GON4L: variants seen among roughly 807,000 people sequenced by gnomAD.
The protein encoded by GON4L is GON-4-like protein.
A neutral mutation model predicts 211.8 loss-of-function variants in GON4L; 87 were observed. The observed-to-expected ratio is 0.41, with a 90% confidence interval of 0.35 to 0.49. GON4L has a LOEUF of 0.49. Among genes scored for constraint, GON4L ranks in the 20% least tolerant of loss-of-function variants. The probability of loss-of-function intolerance (pLI) is 0.15; values close to 1 mark genes in which losing one functional copy is unlikely to be tolerated. For missense variants in GON4L, 2,155 were observed against 2,659.5 expected (o/e 0.81, Z 4.17); for synonymous variants, 875 against 962.6 (o/e 0.91, Z 1.68).
At chr1:155,798,658 A>T (rs1666332185) in intron 11 of GON4L, among the ~76,000 whole-genome samples, 1 of 138,074 alleles carries the variant, frequency 7.2e-6, no homozygotes, top group Non-Finnish European at 1.5e-5. Flanking sequence ...CGACCTCATG[A>T]TCTGCCTGCC....
chr1:155,815,212 C>G (rs1668131906), intron 8 of GON4L, among the ~76,000 whole-genome samples: 1 of 152,086 alleles, frequency 6.6e-6, no homozygotes, highest in Non-Finnish European at 1.5e-5. Flanking sequence ...TCAAAGAACA[C>G]ATTAAGAAAC....
At chr1:155,748,209 T>C (rs1660332540), downstream of GON4L, 3 of 1,428,234 alleles carry the variant, frequency 2.1e-6, no homozygotes, top group Admixed American at 6.3e-5. Context: ...CTGTACTGGC[T>C]CTGTTCCTGA....
At chr1:155,773,651 T>G (rs1663451779) in intron 17 of GON4L, among the ~76,000 whole-genome samples, 1 of 152,216 alleles carries the variant, frequency 6.6e-6, no homozygotes. Flanking sequence ...TTTACTTTTA[T>G]TTGATTCTTA....
chr1:155,745,616 C>G (rs1429544137), downstream of GON4L, among the ~76,000 whole-genome samples: 1 of 151,966 alleles, frequency 6.6e-6, no homozygotes, highest in Non-Finnish European at 1.5e-5. Flanking sequence ...CCCGTGGAGC[C>G]CCGCCTCTCG....
chr1:155,833,736 AGG>A (rs144603888), intron 2 of GON4L, among the ~76,000 whole-genome samples: 6 of 8,564 alleles, frequency 7.0e-4, no homozygotes, highest in East Asian at 0.025. Context: ...TGGGGAGGAG[AGG>A]GGAGGAGAGG....
chr1:155,772,839 CG>C (rs1270333049), intron 18 of GON4L, among the ~76,000 whole-genome samples: 4 of 152,060 alleles, frequency 2.6e-5, no homozygotes, highest in Non-Finnish European at 5.9e-5. Flanking sequence ...CCACCATGTC[CG>C]GTCTAAAATG....
chr1:155,764,426 ATTTTTTTTTTTTTTTTTTT>A (rs371568461), intron 21 of GON4L: 23 of 140,012 alleles, frequency 1.6e-4, no homozygotes, highest in Admixed American at 4.1e-4. Context: ...GTTATTTACT[ATTTTTTTTTTTTTTTTTTT>A]TTTTTTTTTT....
In GON4L at chr1:155,853,259, G is replaced by C. The variant is rs369296856; in HGVS notation, c.505+17C>G. On this transcript the variant is annotated intron_variant, in intron 2 of 31. Transcript: ENST00000368331. The stretch of plus-strand genomic sequence containing the variant: ...GGTATTGACAAGAATGTAACCTAGA[G>C]ACCTTGTATACCTTACCTCCTTCTT... 4.4e-6 allele frequency: 7 copies of C among 1,606,346 alleles called. No homozygotes were observed. The African/African-American group carries it at 9.3e-5, about 21-fold the overall frequency.
chr1:155,820,503 G>A, intron 6 of GON4L, 103 bp downstream of exon 6: 3 of 772,880 alleles, frequency 3.9e-6, no homozygotes, highest in South Asian at 1.4e-5. Context: ...CTTTAAAGAG[G>A]CAAATTCAGA....
At chr1:155,811,569 A>C (rs1667776382) in intron 10 of GON4L, among the ~76,000 whole-genome samples, 2 of 150,920 alleles carry the variant, frequency 1.3e-5, no homozygotes, top group East Asian at 3.9e-4. Context: ...CAGCCTGGCC[A>C]ATGTGGTGAA....
Position 155,826,973 on chromosome 1 carries a change from T to C in GON4L, c.561A>G (p.Gln187=), listed in dbSNP as rs749573899. The change falls in exon 3 of 32, where the codon CAA becomes CAG. Residue 187 remains glutamine, a synonymous_variant. Transcript: ENST00000368331. ...TGGGCTGGCTTACTGGTTTTGCAGA[T>C]TGGCTGCCTGATGGCAGGGAAGGTA... is the stretch of plus-strand genomic sequence containing the variant. The part of the protein sequence containing the change: ...GEIPSLPSGS[Q]SAKPVSQPRK... 2 of 1,614,132 alleles carry C rather than the reference T, an allele frequency of 1.2e-6. No individual in the cohort carries two copies. Among genetic ancestry groups the C allele is most frequent in the Non-Finnish European group, 1.7e-6 (2 of 1,179,966 alleles).
At chr1:155,805,756 C>G (rs530191630) in intron 10 of GON4L, among the ~76,000 whole-genome samples, 1 of 151,352 alleles carries the variant, frequency 6.6e-6, no homozygotes, top group East Asian at 1.9e-4. Context: ...GTGGTGCCAT[C>G]TCGGCTCACT....
chr1:155,853,953 C>A (rs937785589), intron 1 of GON4L, 147 bp from the exon 2 acceptor site: 7 of 644,172 alleles, frequency 1.1e-5, no homozygotes, highest in African/African-American at 3.6e-5. Context: ...AGTTGAGAGA[C>A]AGTGGTTAAG....
chr1:155,785,634 C>T (rs1231979010), intron 12 of GON4L, among the ~76,000 whole-genome samples: 6 of 152,082 alleles, frequency 3.9e-5, no homozygotes, highest in African/African-American at 9.7e-5. Context: ...GGACCACAGA[C>T]GCATGCCACC....
In GON4L at chr1:155,765,716, C is replaced by T. The variant is rs779242461; in HGVS notation, c.3757G>A (p.Glu1253Lys). The change falls in exon 21 of 32, where the codon GAA becomes AAA. Residue 1253 changes from glutamate to lysine, a missense_variant. By Grantham distance (56) the Glu-to-Lys change is moderately conservative (BLOSUM62 1). Coordinates refer to ENST00000368331, the MANE Select transcript of GON4L (RefSeq NM_001282860.2). ...ACAGTAGCAGAGAGAGGAGATAGTT[C>T]CTGGGGCTCTAATTTGGGTTCTAGG... ...QGLEPKLEPQ[E>K]LSPLSATVFP... 9 of 1,614,186 alleles carry T rather than the reference C, an allele frequency of 5.6e-6. No individual in the cohort carries two copies. In the South Asian group the frequency reaches 7.7e-5, roughly 14 times the overall value.
At chr1:155,810,244 T>C (rs1029451827) in intron 10 of GON4L, among the ~76,000 whole-genome samples, 25 of 151,314 alleles carry the variant, frequency 1.7e-4, no homozygotes, top group African/African-American at 6.1e-4. Flanking sequence ...TCCACCCGCC[T>C]GGGCCTCTCA....
chr1:155,842,212 A>T (rs1428558510), intron 2 of GON4L, among the ~76,000 whole-genome samples: 2 of 152,090 alleles, frequency 1.3e-5, no homozygotes, highest in Non-Finnish European at 2.9e-5. Context: ...TTCCCTGTTT[A>T]ACCAGGACAC....
chr1:155,821,507 T>A lies in GON4L; in HGVS notation c.930A>T (p.Ala310=), dbSNP rs1461387595. ...GCATATCTTCCGTCTCACTGATGGC[T>A]GCTTTCATCATAGCTACCACGTGTT... is the stretch of plus-strand genomic sequence containing the variant. The part of the protein sequence containing the change: ...TNEHVVAMMK[A]AISETEDMPM... The change falls in exon 5 of 32, where the codon GCA becomes GCT. Residue 310 remains alanine, a synonymous_variant. Coordinates refer to ENST00000368331, the MANE Select transcript of GON4L (RefSeq NM_001282860.2). 3 of 1,605,824 alleles carry A rather than the reference T, an allele frequency of 1.9e-6. No individual in the cohort carries two copies. In the African/African-American group the frequency reaches 4.0e-5, roughly 21 times the overall value.
Position 155,756,979 on chromosome 1 carries a change from G to C in GON4L, c.5496C>G (p.Ile1832Met), listed in dbSNP as rs753156261. 1.7e-5 allele frequency: 28 copies of C among 1,612,888 alleles called. No homozygotes were observed. The highest frequency in any genetic ancestry group is 2.0e-5 in the Non-Finnish European group (24 of 1,179,040). The change falls in exon 27 of 32, where the codon ATC (isoleucine) becomes ATG (methionine). Residue 1832 changes from isoleucine to methionine, a missense_variant. Ile to Met is a conservative substitution (Grantham distance 10, BLOSUM62 1). This residue lies in a region of GON4L where 455 missense variants were observed against 504.6 expected (regional missense o/e 0.90). Transcript: ENST00000368331. The stretch of plus-strand genomic sequence containing the variant: ...ATACCTTATCATGATTTTGGACCCC[G>C]ATCTCTTTTTTCCTCTTGTTCTTTG... ...TASKNKRKKE[I>M]GVQNHDKETE...
Sources: allele counts gnomAD v4.1 joint callset (sites outside exome capture counted in the v4.1 genomes callset), GRCh38; gene constraint gnomAD v4.1.1; regional missense constraint gnomAD v4.1.1; transcripts MANE v1.5; gene names NCBI Gene and HGNC (gene_info 2026-07-23, HGNC 2026-07-21).